Variants in VAV2 observed in about 807,000 individuals in gnomAD.
VAV2 encodes vav guanine nucleotide exchange factor 2.
VAV2 carries 67 observed loss-of-function variants against 132.5 expected under a neutral mutation model. That is an observed-to-expected ratio of 0.51 (90% CI 0.42 to 0.62). VAV2 has a LOEUF of 0.62. VAV2 is among the 20% of genes least tolerant of loss of function. VAV2 has a pLI of 0.00. For synonymous variants in VAV2, 492 were observed against 443.5 expected (o/e 1.11, Z -1.37); for missense variants, 938 against 1,153.6 (o/e 0.81, Z 2.71).
chr9:133,962,333 A>G (rs1841992422), intron 1 of VAV2, among the ~76,000 whole-genome samples: 1 of 152,190 alleles, frequency 6.6e-6, no homozygotes, highest in Non-Finnish European at 1.5e-5. Context: ...GTTGGCCAGC[A>G]GAGTCCAGCC....
chr9:133,865,654 A>G (rs560837836), intron 2 of VAV2, among the ~76,000 whole-genome samples: 1 of 152,216 alleles, frequency 6.6e-6, no homozygotes, highest in Admixed American at 6.5e-5. Flanking sequence ...TTTTCCGAGA[A>G]TAGAAATTCT....
At position 133,928,171 on chromosome 9, in the gene VAV2, G is replaced by A. The variant is rs911649993; in HGVS notation, c.321+10932C>T. On this transcript the variant is annotated intron_variant, in intron 2 of 29. Transcript: ENST00000371850. This position sits in a 1 kb window ranked among gnomAD's most constrained non-coding sequence, Gnocchi z 5.4. ...AGCATCCGATGGGCTTACCGACTCC[G>A]TGTGTGTGTGTGTGTGTGCGTGCAT... is the stretch of plus-strand genomic sequence containing the variant. Among the ~76,000 whole-genome samples the A allele has an allele frequency of 1.0e-3, 37 of 35,356 alleles. No individual in the cohort carries two copies. Among genetic ancestry groups the A allele is most frequent in the Middle Eastern group, 0.05 (2 of 40 alleles). The allele number at this position is 35,356 out of a possible 152,430, so 23.2% of individuals were successfully genotyped here.
At position 133,794,968 on chromosome 9, in the gene VAV2, G is replaced by A. The variant is rs1369988916; in HGVS notation, c.1101+700C>T. On this transcript the variant is annotated intron_variant, in intron 12 of 29. Transcript: ENST00000371850. This position sits in a 1 kb window ranked among gnomAD's most constrained non-coding sequence, Gnocchi z 4.6. ...CAGGATGAGCAGGACGTGGCCAGGT[G>A]ACGAGGAGGAGGGTGCACCTGAGCC... 1.3e-5 allele frequency among the ~76,000 whole-genome samples: 2 copies of A among 152,246 alleles called. No homozygotes were observed. Among genetic ancestry groups the A allele is most frequent in the Admixed American group, 1.3e-4 (2 of 15,290 alleles).
chr9:133,976,207 A>G (rs893059080), intron 1 of VAV2, among the ~76,000 whole-genome samples: 1 of 149,652 alleles, frequency 6.7e-6, no homozygotes, highest in Non-Finnish European at 1.5e-5. Flanking sequence ...TTCCATTTCA[A>G]AAAAAAAAAA....
chr9:133,930,979 G>A (rs756313292), intron 2 of VAV2, among the ~76,000 whole-genome samples: 4 of 152,192 alleles, frequency 2.6e-5, no homozygotes, highest in Non-Finnish European at 5.9e-5. Context: ...TGGAAGGTGC[G>A]CGCTGCTCTT....
chr9:133,856,441 C>CATGCTGGTATGTGCCCCCCACCGGGACCT lies in VAV2; in HGVS notation c.380+4932_380+4933insAGGTCCCGGTGGGGGGCACATACCAGCAT, dbSNP rs1564409709. ...CTGGTATGTGCCCCCCACCGGGACCCCATGCTGGTATGTGCCCCCCACCGG... is the reference window on the plus strand; with the variant it reads ...CTGGTATGTGCCCCCCACCGGGACCCATGCTGGTATGTGCCCCCCACCGGGACCTCATGCTGGTATGTGCCCCCCACCGG... On this transcript the variant is annotated intron_variant, in intron 3 of 29. Transcript: ENST00000371850. Among the ~76,000 whole-genome samples the CATGCTGGTATGTGCCCCCCACCGGGACCT allele has an allele frequency of 3.5e-3, 523 of 150,334 alleles. 27 individuals carry two copies. Among genetic ancestry groups the CATGCTGGTATGTGCCCCCCACCGGGACCT allele is most frequent in the African/African-American group, 0.012 (478 of 40,644 alleles).
chr9:133,786,035 C>T (rs567367655), intron 16 of VAV2, 150 bp from the exon 17 acceptor site: 42 of 736,982 alleles, frequency 5.7e-5, no homozygotes, highest in African/African-American at 5.0e-4. Context: ...CATGTTCTCA[C>T]GTGTGTACCT....
intron 2 of VAV2, among the ~76,000 whole-genome samples, chr9:133,933,811 GATGA>G (rs1234660079): frequency 1.3e-5 from 2 of 150,720 alleles, no homozygotes; most frequent in African/African-American, 2.4e-5. Context: ...ATGAATGATG[GATGA>G]ATGGATGAGT....
chr9:133,832,137 G>A (rs1836287098), intron 4 of VAV2, among the ~76,000 whole-genome samples: 1 of 152,142 alleles, frequency 6.6e-6, no homozygotes, highest in South Asian at 2.1e-4. Context: ...GAAGGTGCAG[G>A]GTCTGACCCT....
At chr9:133,825,084 C>G (rs148699727) in intron 4 of VAV2, among the ~76,000 whole-genome samples, 1 of 151,926 alleles carries the variant, frequency 6.6e-6, no homozygotes, top group East Asian at 1.9e-4. Flanking sequence ...GGGCCGAGCA[C>G]GCAGTCTTAA....
intron 2 of VAV2, among the ~76,000 whole-genome samples, chr9:133,930,609 C>A (rs1840651847): frequency 6.6e-6 from 1 of 152,270 alleles, no homozygotes; most frequent in African/African-American, 2.4e-5. Context: ...CTGTCATCAG[C>A]AGGACCTGAG....
At chr9:133,964,603 C>T (rs1300948910) in intron 1 of VAV2, among the ~76,000 whole-genome samples, 1 of 152,036 alleles carries the variant, frequency 6.6e-6, no homozygotes, top group Non-Finnish European at 1.5e-5. Context: ...TCCAACAACA[C>T]AATATAAAGA....
At position 133,776,482 on chromosome 9, in the gene VAV2, C is replaced by T. The variant is rs116929453; in HGVS notation, c.1966-402G>A. On this transcript the variant is annotated intron_variant, in intron 23 of 29. Coordinates refer to ENST00000371850, the MANE Select transcript of VAV2 (RefSeq NM_001134398.2). ...CACACTCAGGCAGGTGCTGCCGCTCCAGTGAGCAGGTAGGGCTCCCTCCCT... is the reference window on the plus strand; with the variant it reads ...CACACTCAGGCAGGTGCTGCCGCTCTAGTGAGCAGGTAGGGCTCCCTCCCT... 2.4e-3 allele frequency among the ~76,000 whole-genome samples: 372 copies of T among 152,294 alleles called. 4 individuals carry two copies. In the East Asian group the frequency reaches 0.031, roughly 13 times the overall value.
Position 133,918,995 on chromosome 9 carries a change from G to A in VAV2, c.321+20108C>T, listed in dbSNP as rs993404528. Among the ~76,000 whole-genome samples the A allele has an allele frequency of 3.9e-5, 6 of 151,958 alleles. No homozygotes were observed. Among genetic ancestry groups the A allele is most frequent in the African/African-American group, 9.7e-5 (4 of 41,354 alleles). ...TCACCATGTTGTCCAGGCTGGTCTC[G>A]AACTCCTGACCTTGTGATCCTCCCA... is the stretch of plus-strand genomic sequence containing the variant. On this transcript the variant is annotated intron_variant, in intron 2 of 29. Transcript: ENST00000371850. The surrounding 1 kb of genome is among the most constrained non-coding windows in gnomAD (Gnocchi z 4.7).
intron 9 of VAV2, among the ~76,000 whole-genome samples, chr9:133,800,566 C>T (rs983391783): frequency 2.0e-5 from 3 of 152,196 alleles, no homozygotes; most frequent in African/African-American, 7.2e-5. Context: ...GTGAGCTGGG[C>T]CCAGTGATGG....
At chr9:133,944,336 G>A (rs955806684) in intron 1 of VAV2, among the ~76,000 whole-genome samples, 8 of 152,208 alleles carry the variant, frequency 5.3e-5, no homozygotes, top group African/African-American at 9.7e-5. Flanking sequence ...GCATCTAGCC[G>A]GCATGACCTG....
chr9:133,799,118 C>A (rs959899675), intron 9 of VAV2, among the ~76,000 whole-genome samples: 1 of 152,236 alleles, frequency 6.6e-6, no homozygotes, highest in Non-Finnish European at 1.5e-5. Context: ...ATGGTGGGGT[C>A]TTGATGCAGG....
intron 2 of VAV2, among the ~76,000 whole-genome samples, chr9:133,896,393 G>C (rs927946977): frequency 6.6e-6 from 1 of 152,158 alleles, no homozygotes; most frequent in African/African-American, 2.4e-5. Context: ...GGCAGAGGTT[G>C]CAATGAGCCA....
At chr9:133,979,513 T>C (rs567838042) in intron 1 of VAV2, among the ~76,000 whole-genome samples, 4 of 152,160 alleles carry the variant, frequency 2.6e-5, no homozygotes, top group African/African-American at 9.6e-5. Context: ...GCCGCAGCCG[T>C]CCGGAACTCG....
Sources: gnomAD v4.1 joint callset for allele counts (sites outside exome capture counted in the v4.1 genomes callset) on GRCh38, gnomAD v4.1.1 for gene constraint, Gnocchi (gnomAD v3.1) non-coding constraint, MANE v1.5 for transcripts, NCBI Gene and HGNC (gene_info 2026-07-23, HGNC 2026-07-21) for gene names.